UNC80: variants seen among roughly 807,000 people sequenced by gnomAD.
UNC80 encodes protein unc-80 homolog.
Under a neutral mutation model 384.6 loss-of-function variants are expected in UNC80, and 164 were observed. That is an observed-to-expected ratio of 0.43 (90% CI 0.38 to 0.49). UNC80 has a LOEUF of 0.49. UNC80 is among the 20% of genes least tolerant of loss of function. UNC80 has a pLI of 0.00. For synonymous variants in UNC80, 1,486 were observed against 1,527.8 expected, an observed-to-expected ratio of 0.97 and a Z score of 0.64; for missense variants, 3,330 against 4,143.0, an observed-to-expected ratio of 0.80 and a Z score of 5.39.
At chr2:209,880,913 A>T in intron 24 of UNC80, 48 bp from the exon 25 acceptor site, 1 of 1,535,634 alleles carries the variant, frequency 6.5e-7, no homozygotes, top group Non-Finnish European at 8.8e-7. Context: ...GCATTTCTGT[A>T]TTTTTTGTTG....
chr2:209,969,963 G>T (rs1461167554), intron 53 of UNC80, 72 bp downstream of exon 53: 2 of 1,521,628 alleles, frequency 1.3e-6, no homozygotes, highest in African/African-American at 2.8e-5. Flanking sequence ...CTGAATTGAA[G>T]ATTTACAGGT....
chr2:209,844,901 C>A (rs1301012976), intron 21 of UNC80, among the ~76,000 whole-genome samples: 3 of 151,820 alleles, frequency 2.0e-5, no homozygotes, highest in African/African-American at 7.3e-5. Context: ...CCATGCCTGC[C>A]CTAATATTTC....
In UNC80 at chr2:209,996,830, C is replaced by T. The variant is rs1467537512; in HGVS notation, c.*1235C>T. On this transcript the variant is annotated 3_prime_UTR_variant, in exon 65 of 65. Transcript: ENST00000673920. ...AACAGTTTACATTAGAAAACTGTTA[C>T]CTAACAACCAAGCATATACAAACTC... 6.6e-6 allele frequency: 1 copy of T among 152,126 alleles called. No homozygotes were observed. Among genetic ancestry groups the T allele is most frequent in the African/African-American group, 2.4e-5 (1 of 41,430 alleles). 9.4% of individuals were successfully genotyped at this position (152,126 alleles called of 1,614,324 possible).
chr2:209,927,021 T>C (rs1206933192), intron 36 of UNC80, 35 bp downstream of exon 36: 2 of 1,548,098 alleles, frequency 1.3e-6, no homozygotes, highest in African/African-American at 2.7e-5. Flanking sequence ...TCAGTGACAT[T>C]CTTAAGCTGT....
At position 209,959,501 on chromosome 2, in the gene UNC80, T is replaced by G; in HGVS notation, c.7599T>G (p.His2533Gln). 1 of 1,551,646 alleles carries G rather than the reference T, an allele frequency of 6.4e-7. No homozygotes were observed. Among genetic ancestry groups the G allele is most frequent in the Non-Finnish European group, 8.7e-7 (1 of 1,146,976 alleles). Residue 2533 changes from histidine (H) to glutamine (Q), a missense_variant, in exon 51 of 65, where the codon CAT (histidine) becomes CAG (glutamine). Transcript: ENST00000673920. ...AKLHFIRENLHLLEEGQGIPR... is the reference protein window; with the variant it reads ...AKLHFIRENLQLLEEGQGIPR... The stretch of plus-strand genomic sequence containing the variant: ...CACAATTTCCCAGGGAAAACCTTCA[T>G]TTACTGGAGGAAGGGCAAGGCATTC...
chr2:209,809,165 C>A lies in UNC80; in HGVS notation c.939-4415C>A. ...TCTTCCTTGGAGGCGGAGGCCGATA[C>A]CACCTTCCCAGGCTTGGGCCAAGTG... On this transcript the variant is annotated intron_variant, in intron 7 of 64. Coordinates refer to ENST00000673920, the MANE Select transcript of UNC80 (RefSeq NM_001371986.1). 4.8e-6 allele frequency: 3 copies of A among 625,774 alleles called. No individual in the cohort carries two copies. In the South Asian group the frequency reaches 5.4e-5, roughly 11 times the overall value. The allele number at this position is 625,774 out of a possible 1,614,324, so 38.8% of individuals were successfully genotyped here.
rs761770431 is a variant in UNC80 at position 209,939,680 on chromosome 2, T to C, written c.6646+28T>C. ...ATCAAACAAAGAAACATTGCCTCTC[T>C]GGGGCTTTTTCTAACACACTTGTTG... On this transcript the variant is annotated intron_variant, in intron 43 of 64. Coordinates refer to ENST00000673920, the MANE Select transcript of UNC80 (RefSeq NM_001371986.1). 106 of 1,502,398 alleles carry C rather than the reference T, an allele frequency of 7.1e-5. No homozygotes were observed. The African/African-American group carries it at 1.3e-3, about 19-fold the overall frequency. 93.1% of individuals were successfully genotyped at this position (1,502,398 alleles called of 1,614,324 possible). A position where few individuals can be genotyped will look rare whatever the true frequency, so the allele number is the denominator to read the frequency against.
rs935093022 is a variant in UNC80, at chr2:209,816,770, G to A, written c.1336-139G>A. The A allele has an allele frequency of 6.9e-5, 50 of 720,260 alleles. No homozygotes were observed. The African/African-American group carries it at 7.7e-4, about 11-fold the overall frequency. 44.6% of individuals were successfully genotyped at this position (720,260 alleles called of 1,614,324 possible). ...TGTGAAATTTCTCCCATTTTTATTGGATGATATTCAGTGACTTTCTGGGTC... is the reference window on the plus strand; with the variant it reads ...TGTGAAATTTCTCCCATTTTTATTGAATGATATTCAGTGACTTTCTGGGTC... On this transcript the variant is annotated intron_variant, in intron 9 of 64. Transcript: ENST00000673920.
chr2:209,792,880 G>A (rs926258134), intron 6 of UNC80, among the ~76,000 whole-genome samples: 2 of 152,096 alleles, frequency 1.3e-5, no homozygotes, highest in Non-Finnish European at 2.9e-5. Flanking sequence ...ATGAGTTTAA[G>A]GGTCAGATTC....
intron 55 of UNC80, 124 bp downstream of exon 55, chr2:209,972,448 A>G: frequency 7.6e-7 from 1 of 1,314,294 alleles, no homozygotes; most frequent in African/African-American, 1.5e-5. Flanking sequence ...TGATTTAAAT[A>G]GGGTCATCTT....
intron 7 of UNC80, among the ~76,000 whole-genome samples, chr2:209,799,379 A>G (rs1315837009): frequency 1.3e-5 from 2 of 151,972 alleles, no homozygotes; most frequent in Non-Finnish European, 2.9e-5. Flanking sequence ...CTGCTTACCT[A>G]TTGTTGGTGT....
chr2:209,920,649 T>A (rs746077197), intron 33 of UNC80, among the ~76,000 whole-genome samples: 1 of 152,314 alleles, frequency 6.6e-6, no homozygotes, highest in African/African-American at 2.4e-5. Context: ...GCTCTCATAT[T>A]TTTCATTCCA....
At chr2:209,956,330 G>C (rs1032380209) in intron 48 of UNC80, among the ~76,000 whole-genome samples, 1 of 34 alleles carries the variant, frequency 0.029, no homozygotes, top group Non-Finnish European at 0.062. Context: ...GTTTCTCAAG[G>C]TGGAAGTCAA....
intron 21 of UNC80, among the ~76,000 whole-genome samples, chr2:209,845,858 T>A (rs1377303498): frequency 6.6e-6 from 1 of 152,162 alleles, no homozygotes; most frequent in Admixed American, 6.6e-5. Context: ...CAACAACTAC[T>A]GCCCTTTATT....
At chr2:209,777,179 C>G in intron 3 of UNC80, 79 bp from the exon 4 acceptor site, 1 of 1,434,234 alleles carries the variant, frequency 7.0e-7, no homozygotes, top group Non-Finnish European at 9.4e-7. Context: ...GAGGGATATT[C>G]TTCCCAGACC....
At chr2:209,991,721 A>C (rs747496959) in intron 61 of UNC80, among the ~76,000 whole-genome samples, 1 of 152,150 alleles carries the variant, frequency 6.6e-6, no homozygotes, top group Non-Finnish European at 1.5e-5. Context: ...TCTGTGTCTG[A>C]TGTGTTCGAT....
At chr2:209,809,073 C>T (rs2079140353) in intron 7 of UNC80, 2 of 477,508 alleles carry the variant, frequency 4.2e-6, no homozygotes, top group Non-Finnish European at 3.8e-6. Context: ...ATGAGGACAG[C>T]GGGAAAGGCT....
Position 209,969,780 on chromosome 2 carries a change from G to T in UNC80, c.8019G>T (p.Glu2673Asp). 2 of 1,551,722 alleles carry T rather than the reference G, an allele frequency of 1.3e-6. No homozygotes were observed. Among genetic ancestry groups the T allele is most frequent in the Non-Finnish European group, 1.7e-6 (2 of 1,146,984 alleles). Residue 2673 changes from glutamate to aspartate, a missense_variant, in exon 53 of 65, where the codon GAG (glutamate) becomes GAT (aspartate). Around this residue, in one of 8 missense-constraint regions of UNC80, gnomAD observed 1,049 missense variants for 1,488.6 expected, o/e 0.70. Coordinates refer to ENST00000673920, the MANE Select transcript of UNC80 (RefSeq NM_001371986.1). Reference protein sequence around the residue: ...HKMPTLRRQVEWEPASNLIEG... With the variant: ...HKMPTLRRQVDWEPASNLIEG... ...TATTGTATTCCAGGCGACAGGTTGA[G>T]TGGGAGCCTGCCAGCAATTTGATTG...
At chr2:209,864,763 C>T (rs2083591411) in intron 22 of UNC80, among the ~76,000 whole-genome samples, 1 of 152,210 alleles carries the variant, frequency 6.6e-6, no homozygotes, top group South Asian at 2.1e-4. Flanking sequence ...TGCCACCCTT[C>T]CCCTGCCCAG....
Sources: allele counts gnomAD v4.1 joint callset (sites outside exome capture counted in the v4.1 genomes callset), GRCh38; gene constraint gnomAD v4.1.1; regional missense constraint gnomAD v4.1.1; transcripts MANE v1.5; gene names NCBI Gene and HGNC (gene_info 2026-07-23, HGNC 2026-07-21).